The following PRUNE2 variants were observed in gnomAD, a reference collection of about 807,000 sequenced individuals.
The protein encoded by PRUNE2 is protein prune homolog 2.
Under a neutral mutation model 252.0 loss-of-function variants are expected in PRUNE2, and 164 were observed. That is an observed-to-expected ratio of 0.65 (90% CI 0.57 to 0.74). PRUNE2 has a LOEUF of 0.74. Ranked by LOEUF, PRUNE2 falls within the 30% of genes least tolerant of loss-of-function variation. The probability of loss-of-function intolerance (pLI) is 0.00; values close to 1 mark genes in which losing one functional copy is unlikely to be tolerated. For synonymous variants in PRUNE2, 1,292 were observed against 1,350.2 expected (o/e 0.96, Z 0.94); for missense variants, 3,495 against 3,711.0 (o/e 0.94, Z 1.51).
chr9:76,779,041 A>AT (rs1378878564), intron 6 of PRUNE2: 1 of 152,264 alleles, frequency 6.6e-6, no homozygotes, highest in African/African-American at 2.4e-5. Context: ...TTCTCCAGTG[A>AT]TTTTTTTATC....
intron 6 of PRUNE2, among the ~76,000 whole-genome samples, chr9:76,778,228 A>T (rs137986573): frequency 1.2e-3 from 177 of 152,310 alleles, no homozygotes; most frequent in Middle Eastern, 6.8e-3. Context: ...CCATTGTAAG[A>T]GCCAGGCGTT....
At position 76,823,740 on chromosome 9, in the gene PRUNE2, GA is replaced by G. The variant is rs760848554; in HGVS notation, c.662-15del. 5.0e-5 allele frequency: 72 copies of G among 1,440,590 alleles called. No homozygotes were observed. The highest frequency in any genetic ancestry group is 1.2e-4 in the African/African-American group (8 of 68,472). The allele number at this position is 1,440,590 out of a possible 1,614,324, so 89.2% of individuals were successfully genotyped here. A position where few individuals can be genotyped will look rare whatever the true frequency, so the allele number is the denominator to read the frequency against. On this transcript the variant is annotated splice_polypyrimidine_tract_variant and intron_variant, in intron 5 of 18. Coordinates refer to ENST00000376718, the MANE Select transcript of PRUNE2 (RefSeq NM_015225.3). Reference sequence around the variant, plus strand: ...CAATACTTAAACCTGTGGATGACAGGAAAAAAAAACATTATGTTATACTTGA... The same window carrying G: ...CAATACTTAAACCTGTGGATGACAGGAAAAAAAACATTATGTTATACTTGA...
At chr9:76,698,549 A>G (rs369670437) in intron 9 of PRUNE2, among the ~76,000 whole-genome samples, 1 of 152,236 alleles carries the variant, frequency 6.6e-6, no homozygotes, top group Non-Finnish European at 1.5e-5. Flanking sequence ...AGAAACGGCA[A>G]ATGTTCAGAA....
At chr9:76,750,090 C>T (rs531667133) in intron 6 of PRUNE2, among the ~76,000 whole-genome samples, 5 of 152,218 alleles carry the variant, frequency 3.3e-5, no homozygotes, top group African/African-American at 9.6e-5. Flanking sequence ...GACACAGAAG[C>T]TCCTATGCTC....
intron 6 of PRUNE2, among the ~76,000 whole-genome samples, chr9:76,726,527 C>T (rs979044115): frequency 8.5e-5 from 13 of 152,118 alleles, no homozygotes; most frequent in African/African-American, 3.1e-4. Flanking sequence ...TTTAGTGAGA[C>T]AATTTAGTTA....
chr9:76,701,012 T>C (rs1488329889), intron 9 of PRUNE2, among the ~76,000 whole-genome samples: 1 of 152,252 alleles, frequency 6.6e-6, no homozygotes, highest in African/African-American at 2.4e-5. Context: ...TGTCTAACTC[T>C]TTAGTTAAAC....
chr9:76,773,362 T>A (rs1302744400), intron 6 of PRUNE2, among the ~76,000 whole-genome samples: 1 of 151,516 alleles, frequency 6.6e-6, no homozygotes, highest in African/African-American at 2.4e-5. Context: ...TAGCGGACAA[T>A]CTTTTCTTTA....
At chr9:76,626,669 G>A (rs1315205478) in intron 16 of PRUNE2, among the ~76,000 whole-genome samples, 1 of 152,156 alleles carries the variant, frequency 6.6e-6, no homozygotes, top group East Asian at 1.9e-4. Context: ...CTTCTCATTT[G>A]AACTTTCCCA....
At chr9:76,805,750 G>A (rs1458758143) in intron 6 of PRUNE2, among the ~76,000 whole-genome samples, 1 of 152,156 alleles carries the variant, frequency 6.6e-6, no homozygotes, top group East Asian at 1.9e-4. Flanking sequence ...CTATGGACTA[G>A]GTAATCATCA....
At chr9:76,676,806 T>C (rs2042668370) in intron 9 of PRUNE2, among the ~76,000 whole-genome samples, 1 of 152,226 alleles carries the variant, frequency 6.6e-6, no homozygotes, top group African/African-American at 2.4e-5. Context: ...TCGGGGCTCC[T>C]GACATTTTCC....
At chr9:76,869,120 T>C (rs1454336795) in intron 1 of PRUNE2, 1 of 152,212 alleles carries the variant, frequency 6.6e-6, no homozygotes, top group Non-Finnish European at 1.5e-5. Context: ...CAGCTTTTTG[T>C]TGTCATAAGG....
intron 6 of PRUNE2, among the ~76,000 whole-genome samples, chr9:76,795,302 C>A (rs146319277): frequency 6.6e-6 from 1 of 152,068 alleles, no homozygotes; most frequent in Non-Finnish European, 1.5e-5. Context: ...GACATCACAC[C>A]GTCAAAACAC....
intron 4 of PRUNE2, among the ~76,000 whole-genome samples, chr9:76,841,259 G>A (rs12684337): frequency 0.055 from 8,383 of 152,262 alleles, 284 homozygotes; most frequent in East Asian, 0.15. Context: ...GAGGGACCAT[G>A]CCATGAGGAA....
intron 18 of PRUNE2, 141 bp from the exon 19 acceptor site, chr9:76,614,741 A>T: frequency 1.5e-6 from 1 of 658,710 alleles, no homozygotes; most frequent in Non-Finnish European, 2.5e-6. Context: ...CTTATAATAG[A>T]AAAATCTGGT....
chr9:76,642,001 T>TAAAAAAAAAAAAAAAGAAA, intron 12 of PRUNE2: 1 of 1,010,454 alleles, frequency 9.9e-7, no homozygotes, highest in Non-Finnish European at 1.4e-6. Flanking sequence ...ATAAGAGAAG[T>TAAAAAAAAAAAAAAAGAAA]AAAAAAAAAA....
intron 6 of PRUNE2, among the ~76,000 whole-genome samples, chr9:76,795,538 T>C (rs2056009013): frequency 6.6e-6 from 1 of 152,036 alleles, no homozygotes. Flanking sequence ...TTTGAGTTAC[T>C]AATAGCCCCT....
chr9:76,765,613 T>C (rs543129975), intron 6 of PRUNE2, among the ~76,000 whole-genome samples: 1 of 152,342 alleles, frequency 6.6e-6, no homozygotes, highest in East Asian at 1.9e-4. Flanking sequence ...TCCATCCATC[T>C]ATCCATCCAT....
chr9:76,825,697 T>C lies in PRUNE2; in HGVS notation c.661+883A>G, dbSNP rs57405993. 1.0e-3 allele frequency among the ~76,000 whole-genome samples: 153 copies of C among 152,330 alleles called. No individual in the cohort carries two copies. In the East Asian group the frequency reaches 0.023, roughly 23 times the overall value. ...TCAGTGTCCTCCCTCACCTGCAGAC[T>C]GGGACGTCAAAGCACTGACTCTTGG... On this transcript the variant is annotated intron_variant, in intron 5 of 18. Coordinates refer to ENST00000376718, the MANE Select transcript of PRUNE2 (RefSeq NM_015225.3).
Position 76,708,058 on chromosome 9 carries a change from C to T in PRUNE2, c.4216G>A (p.Gly1406Arg). ...TCACGGGAGTCTAGATTGTAAGACC[C>T]CTCCTCATACTCTAAAACTTCCTCT... ...EPEEVLEYEEGSYNLDSRDVQ... is the reference protein window; with the variant it reads ...EPEEVLEYEERSYNLDSRDVQ... The change falls in exon 8 of 19, where the codon GGG (glycine) becomes AGG (arginine). Residue 1406 changes from glycine to arginine, a missense_variant. By Grantham distance (125) the Gly-to-Arg change is moderately radical. Coordinates refer to ENST00000376718, the MANE Select transcript of PRUNE2 (RefSeq NM_015225.3). 2 of 1,613,934 alleles carry T rather than the reference C, an allele frequency of 1.2e-6. No homozygotes were observed. Among genetic ancestry groups the T allele is most frequent in the Admixed American group, 1.7e-5 (1 of 60,020 alleles).
Sources: gnomAD v4.1 joint callset for allele counts (sites outside exome capture counted in the v4.1 genomes callset) on GRCh38, gnomAD v4.1.1 for gene constraint, MANE v1.5 for transcripts, NCBI Gene and HGNC (gene_info 2026-07-23, HGNC 2026-07-21) for gene names.